The following KAT6B variants were observed in gnomAD, a reference collection of about 807,000 sequenced individuals.
The protein encoded by KAT6B is histone acetyltransferase KAT6B.
KAT6B carries 10 observed loss-of-function variants against 187.5 expected under a neutral mutation model. That is an observed-to-expected ratio of 0.05 (90% CI 0.03 to 0.09). The LOEUF is 0.09. Among genes scored for constraint, KAT6B ranks in the 10% least tolerant of loss-of-function variants. KAT6B has a pLI of 1.00. For synonymous variants in KAT6B, 861 were observed against 926.8 expected (o/e 0.93, Z 1.29); for missense variants, 1,952 against 2,558.9 (o/e 0.76, Z 5.12).
intron 4 of KAT6B, among the ~76,000 whole-genome samples, chr10:74,960,766 T>C (rs1841044459): frequency 6.6e-6 from 1 of 152,186 alleles, no homozygotes; most frequent in African/African-American, 2.4e-5. Context: ...TTTATGGGAA[T>C]GAAATGTGAG....
In KAT6B at chr10:74,972,634, A is replaced by T. The variant is rs757493859; in HGVS notation, c.1056A>T (p.Arg352=). Residue 352 remains arginine (R), a synonymous_variant, in exon 7 of 18, where the codon CGA becomes CGT. Coordinates refer to ENST00000287239, the MANE Select transcript of KAT6B (RefSeq NM_012330.4). The part of the protein sequence containing the change: ...IGRPKNKLKQ[R]LLSVTSDEGS... Reference sequence around the variant, plus strand: ...GACCGAAAAATAAATTAAAGCAACGATTGTTGTAGGTTGAGATCTTATCAA... The same window carrying T: ...GACCGAAAAATAAATTAAAGCAACGTTTGTTGTAGGTTGAGATCTTATCAA... The T allele has an allele frequency of 6.2e-7, 1 of 1,613,142 alleles. No homozygotes were observed. The highest frequency in any genetic ancestry group is 8.5e-7 in the Non-Finnish European group (1 of 1,179,286).
chr10:74,943,294 G>A (rs7072392), intron 3 of KAT6B, among the ~76,000 whole-genome samples: 46,903 of 152,068 alleles, frequency 0.31, 13,007 homozygotes, highest in African/African-American at 0.73. Flanking sequence ...CCCAAAAACT[G>A]TAAAGCATTA....
chr10:74,860,971 C>G (rs1199122957), intron 3 of KAT6B, among the ~76,000 whole-genome samples: 1 of 152,108 alleles, frequency 6.6e-6, no homozygotes, highest in Non-Finnish European at 1.5e-5. Flanking sequence ...AACCCCGTCT[C>G]TACTAAAAAT....
At position 74,976,660 on chromosome 10, in the gene KAT6B, C is replaced by CT. The variant is rs144507178; in HGVS notation, c.1993+331dup. 4.7e-3 allele frequency: 1,866 copies of CT among 398,714 alleles called. 37 individuals carry two copies. The highest frequency in any genetic ancestry group is 0.036 in the African/African-American group (1,739 of 48,588). 24.7% of individuals were successfully genotyped at this position (398,714 alleles called of 1,614,324 possible). A position where few individuals can be genotyped will look rare whatever the true frequency, so the allele number is the denominator to read the frequency against. On this transcript the variant is annotated intron_variant, in intron 8 of 17. Transcript: ENST00000287239. ...GCCACTGCCATGCTTCTGCCATGCTCTCCCCCATGTCACCTCTGCAGCCAC... is the reference window on the plus strand; with the variant it reads ...GCCACTGCCATGCTTCTGCCATGCTCTTCCCCCATGTCACCTCTGCAGCCAC...
Position 75,031,138 on chromosome 10 carries a change from T to C in KAT6B, c.*92T>C. ...AAGAGTACGATTTCAAAACCAGCAA[T>C]TGGTGTGAATGCAAAAACATTTGTT... On this transcript the variant is annotated 3_prime_UTR_variant, in exon 18 of 18. Transcript: ENST00000287239. 1 of 1,420,072 alleles carries C rather than the reference T, an allele frequency of 7.0e-7. No homozygotes were observed. Among genetic ancestry groups the C allele is most frequent in the Non-Finnish European group, 9.7e-7 (1 of 1,027,382 alleles). The allele number at this position is 1,420,072 out of a possible 1,614,324, so 88.0% of individuals were successfully genotyped here.
chr10:74,992,524 G>GT lies in KAT6B; in HGVS notation c.2629+3413dup, dbSNP rs574500055. On this transcript the variant is annotated intron_variant, in intron 13 of 17. Coordinates refer to ENST00000287239, the MANE Select transcript of KAT6B (RefSeq NM_012330.4). ...AAAGTGTTGAATATCTCATGTAAGA[G>GT]TGTTGTACCACATATCGCTAGCCCA... Among the ~76,000 whole-genome samples the GT allele has an allele frequency of 1.1e-3, 164 of 152,326 alleles. 2 individuals are homozygous for GT. In the South Asian group the frequency reaches 0.018, roughly 16 times the overall value.
intron 1 of KAT6B, among the ~76,000 whole-genome samples, chr10:74,829,848 C>T (rs1459963682): frequency 6.6e-6 from 1 of 151,446 alleles, no homozygotes. Flanking sequence ...GAAACCCCAT[C>T]TCTACTAAAA....
chr10:74,844,398 C>T (rs902625642), intron 3 of KAT6B, among the ~76,000 whole-genome samples: 2 of 152,190 alleles, frequency 1.3e-5, no homozygotes, highest in African/African-American at 4.8e-5. Context: ...CAGGTTTCAC[C>T]ATGTTGGCCG....
chr10:74,832,109 T>C (rs1490898466), intron 1 of KAT6B, among the ~76,000 whole-genome samples: 1 of 152,248 alleles, frequency 6.6e-6, no homozygotes, highest in African/African-American at 2.4e-5. Context: ...GGTCCATGGC[T>C]GGATGACAGA....
intron 3 of KAT6B, among the ~76,000 whole-genome samples, chr10:74,915,991 C>T (rs573422987): frequency 5.3e-5 from 8 of 152,166 alleles, no homozygotes; most frequent in African/African-American, 9.6e-5. Flanking sequence ...AGAGAAACCC[C>T]GCCTCTACTA....
chr10:75,000,132 A>G (rs1192774850), intron 13 of KAT6B, among the ~76,000 whole-genome samples: 1 of 151,172 alleles, frequency 6.6e-6, no homozygotes, highest in African/African-American at 2.4e-5. Flanking sequence ...AGATCACCCC[A>G]CTGCACTCCA....
chr10:74,851,468 G>A (rs1436018868), intron 3 of KAT6B, among the ~76,000 whole-genome samples: 1 of 151,812 alleles, frequency 6.6e-6, no homozygotes, highest in African/African-American at 2.4e-5. Flanking sequence ...GGAGTAGCTA[G>A]ACTACAGACG....
In KAT6B at chr10:75,030,500, G is replaced by A. The variant is rs756311715; in HGVS notation, c.5676G>A (p.Pro1892=). ...TGACTCCTCCTCCAATGAATCTGCC[G>A]CCGCCTCTTTTGCAACGGAACATGG... ...PNLTPPPMNL[P]PPLLQRNMAA... The change falls in exon 18 of 18, where the codon CCG becomes CCA. Residue 1892 remains proline, a synonymous_variant. Transcript: ENST00000287239. This position sits in a 1 kb window ranked among gnomAD's most constrained non-coding sequence, Gnocchi z 4.8. The A allele has an allele frequency of 9.3e-6, 15 of 1,611,144 alleles. No individual in the cohort carries two copies. Among genetic ancestry groups the A allele is most frequent in the South Asian group, 5.5e-5 (5 of 91,016 alleles).
chr10:74,944,710 G>C lies in KAT6B; in HGVS notation c.622-15260G>C, dbSNP rs1329176607. 3.3e-5 allele frequency among the ~76,000 whole-genome samples: 5 copies of C among 151,168 alleles called. No homozygotes were observed. In the East Asian group the frequency reaches 9.9e-4, roughly 30 times the overall value. ...TGTGTTCCCAGCTACTCGGGAAGCTGAGGCAGGAGAATGGCGTGAGCCCAG... is the reference window on the plus strand; with the variant it reads ...TGTGTTCCCAGCTACTCGGGAAGCTCAGGCAGGAGAATGGCGTGAGCCCAG... On this transcript the variant is annotated intron_variant, in intron 3 of 17. Coordinates refer to ENST00000287239, the MANE Select transcript of KAT6B (RefSeq NM_012330.4).
intron 3 of KAT6B, among the ~76,000 whole-genome samples, chr10:74,871,747 G>A (rs934989467): frequency 1.3e-5 from 2 of 152,172 alleles, no homozygotes. Flanking sequence ...AGAACAATAT[G>A]GTTTAGCATG....
intron 3 of KAT6B, among the ~76,000 whole-genome samples, chr10:74,891,878 T>C (rs1370716458): frequency 6.6e-6 from 1 of 152,238 alleles, no homozygotes; most frequent in African/African-American, 2.4e-5. Flanking sequence ...GGAATGTCTG[T>C]AATGGACATC....
intron 3 of KAT6B, among the ~76,000 whole-genome samples, chr10:74,907,469 G>A (rs1323082990): frequency 1.3e-5 from 2 of 152,088 alleles, no homozygotes; most frequent in Non-Finnish European, 2.9e-5. Flanking sequence ...GCTTCGTGAT[G>A]GCTTTTCTTC....
intron 13 of KAT6B, among the ~76,000 whole-genome samples, chr10:74,995,474 A>G (rs1372380738): frequency 6.6e-6 from 1 of 152,172 alleles, no homozygotes; most frequent in Non-Finnish European, 1.5e-5. Flanking sequence ...CCATTCCCTC[A>G]TCCTTTCCTG....
intron 10 of KAT6B, among the ~76,000 whole-genome samples, chr10:74,980,359 T>A (rs1328317673): frequency 6.6e-6 from 1 of 152,240 alleles, no homozygotes; most frequent in Non-Finnish European, 1.5e-5. Context: ...ATAAACTTGA[T>A]TTTCTTATAG....
Sources: allele counts gnomAD v4.1 joint callset (sites outside exome capture counted in the v4.1 genomes callset), GRCh38; gene constraint gnomAD v4.1.1; non-coding constraint Gnocchi (gnomAD v3.1); transcripts MANE v1.5; gene names NCBI Gene and HGNC (gene_info 2026-07-23, HGNC 2026-07-21).